The following MMRN1 variants were observed in gnomAD, a reference collection of about 807,000 sequenced individuals.
MMRN1 encodes multimerin-1.
In MMRN1, 94 loss-of-function variants were observed where a neutral mutation model predicts 100.7. The observed-to-expected ratio is 0.93, with a 90% confidence interval of 0.79 to 1.11. The LOEUF is 1.11. Ranked by LOEUF, MMRN1 falls within the 50% of genes least tolerant of loss-of-function variation. The pLI, the probability that MMRN1 is intolerant of heterozygous loss-of-function variation, is 0.00. For synonymous variants in MMRN1, 575 were observed against 505.0 expected, an observed-to-expected ratio of 1.14 and a Z score of -1.86; for missense variants, 1,606 against 1,439.1, an observed-to-expected ratio of 1.12 and a Z score of -1.88.
chr4:89,918,357 T>A (rs541704966), intron 3 of MMRN1, among the ~76,000 whole-genome samples: 3 of 151,906 alleles, frequency 2.0e-5, no homozygotes, highest in Admixed American at 2.0e-4. Context: ...AGTTATTTTT[T>A]AAAAAAGTCT....
chr4:89,939,676 C>G (rs1294277192), intron 6 of MMRN1, among the ~76,000 whole-genome samples: 1 of 152,144 alleles, frequency 6.6e-6, no homozygotes, highest in Non-Finnish European at 1.5e-5. Flanking sequence ...ACCACATGCT[C>G]AAAGAAATTA....
intron 2 of MMRN1, among the ~76,000 whole-genome samples, chr4:89,910,428 A>G (rs1219838926): frequency 6.6e-6 from 1 of 151,338 alleles, no homozygotes; most frequent in Non-Finnish European, 1.5e-5. Context: ...ATAAGTATTT[A>G]TCTTTATTCT....
upstream of MMRN1, among the ~76,000 whole-genome samples, chr4:89,891,752 T>A (rs944979528): frequency 6.6e-6 from 1 of 152,060 alleles, no homozygotes; most frequent in South Asian, 2.1e-4. Context: ...TTGACAGATA[T>A]GTCTTATGGA....
intron 3 of MMRN1, among the ~76,000 whole-genome samples, chr4:89,916,744 G>C (rs964802994): frequency 1.3e-5 from 2 of 150,748 alleles, no homozygotes; most frequent in Admixed American, 6.6e-5. Context: ...TGATTTTAAA[G>C]TTTTTTCTTA....
chr4:89,934,422 A>G (rs1722536572), intron 5 of MMRN1, among the ~76,000 whole-genome samples: 1 of 152,154 alleles, frequency 6.6e-6, no homozygotes, highest in African/African-American at 2.4e-5. Context: ...ATGAGCTAAC[A>G]CCAGGTATTA....
chr4:89,881,907 G>A (rs1291650377), intron 1 of MMRN1, among the ~76,000 whole-genome samples: 2 of 151,792 alleles, frequency 1.3e-5, no homozygotes, highest in African/African-American at 4.8e-5. Flanking sequence ...ATTGCTTTCT[G>A]GGCTATTTTG....
At position 89,929,893 on chromosome 4, in the gene MMRN1, C is replaced by T. The variant is rs1303848920; in HGVS notation, c.1129+1925C>T. Among the ~76,000 whole-genome samples, 7 of 152,226 alleles carry T rather than the reference C, an allele frequency of 4.6e-5. No homozygotes were observed. In the East Asian group the frequency reaches 1.4e-3, roughly 29 times the overall value. On this transcript the variant is annotated intron_variant, in intron 5 of 7. Coordinates refer to ENST00000264790, the MANE Select transcript of MMRN1 (RefSeq NM_007351.3). Reference sequence around the variant, plus strand: ...AGGTGAAAAACACTGCGTAATCTGACAGTAGCCATAGAAACTGTTGAAAAT... The same window carrying T: ...AGGTGAAAAACACTGCGTAATCTGATAGTAGCCATAGAAACTGTTGAAAAT...
chr4:89,925,184 A>G (rs1313845618), intron 4 of MMRN1, among the ~76,000 whole-genome samples: 1 of 151,486 alleles, frequency 6.6e-6, no homozygotes, highest in African/African-American at 2.4e-5. Flanking sequence ...GCACCCAGGC[A>G]GGAGTGCAGT....
Position 89,926,786 on chromosome 4 carries a change from C to A in MMRN1, c.956-1009C>A, listed in dbSNP as rs564637219. On this transcript the variant is annotated intron_variant, in intron 4 of 7. Coordinates refer to ENST00000264790, the MANE Select transcript of MMRN1 (RefSeq NM_007351.3). ...GAGGTCTTAGACTTAAAGAGCTAATCCTTTTTTATTTGATTTTTGTGCATA... is the reference window on the plus strand; with the variant it reads ...GAGGTCTTAGACTTAAAGAGCTAATACTTTTTTATTTGATTTTTGTGCATA... Among the ~76,000 whole-genome samples the A allele has an allele frequency of 1.3e-3, 195 of 152,160 alleles. 2 individuals are homozygous for A. Among genetic ancestry groups the A allele is most frequent in the African/African-American group, 3.9e-3 (161 of 41,522 alleles).
intron 1 of MMRN1, among the ~76,000 whole-genome samples, chr4:89,886,038 C>T (rs899656289): frequency 4.0e-5 from 6 of 149,810 alleles, no homozygotes; most frequent in Admixed American, 4.0e-4. Flanking sequence ...AGCAACTATG[C>T]CTGGCTAATT....
At chr4:89,941,135 T>C (rs1722808508) in intron 6 of MMRN1, among the ~76,000 whole-genome samples, 2 of 152,328 alleles carry the variant, frequency 1.3e-5, no homozygotes, top group Admixed American at 1.3e-4. Flanking sequence ...ACTAATAGGT[T>C]ATCTTCTGTA....
At chr4:89,916,949 C>T (rs1560587210) in intron 3 of MMRN1, among the ~76,000 whole-genome samples, 2 of 151,748 alleles carry the variant, frequency 1.3e-5, no homozygotes, top group African/African-American at 4.8e-5. Context: ...CTTTACCTCT[C>T]ACCTAGGTAA....
chr4:89,887,379 T>C (rs1409026222), intron 1 of MMRN1, among the ~76,000 whole-genome samples: 1 of 152,010 alleles, frequency 6.6e-6, no homozygotes, highest in African/African-American at 2.4e-5. Flanking sequence ...GGAGGAATCA[T>C]ATTACCTGTC....
At chr4:89,887,145 A>G (rs1259917033) in intron 1 of MMRN1, among the ~76,000 whole-genome samples, 2 of 152,084 alleles carry the variant, frequency 1.3e-5, no homozygotes, top group East Asian at 3.9e-4. Context: ...TGATGAAAGC[A>G]GTTGAAGGCG....
rs527767534 is a variant in MMRN1 at position 89,908,977 on chromosome 4, G to A, written c.624-299G>A. On this transcript the variant is annotated intron_variant, in intron 1 of 7. Coordinates refer to ENST00000264790, the MANE Select transcript of MMRN1 (RefSeq NM_007351.3). ...GTACTAATATTAATATTTGCTACAA[G>A]AGCATTCTTGCATTTTGATTTATCT... Among the ~76,000 whole-genome samples, 88 of 151,458 alleles carry A rather than the reference G, an allele frequency of 5.8e-4. 1 individual carries two copies. The highest frequency in any genetic ancestry group is 2.0e-3 in the African/African-American group (82 of 41,440).
In MMRN1 at chr4:89,923,892, AC is replaced by A. The variant is rs1722167043; in HGVS notation, c.955+621del. Among the ~76,000 whole-genome samples, 12 of 152,316 alleles carry A rather than the reference AC, an allele frequency of 7.9e-5. 1 individual carries two copies. In the South Asian group the frequency reaches 2.5e-3, roughly 32 times the overall value. On this transcript the variant is annotated intron_variant, in intron 4 of 7. Transcript: ENST00000264790. ...TGGATCTAGTCATACAAAACAAGGC[AC>A]TCAATTAAGAAATGTGACTTAAAGG... is the stretch of plus-strand genomic sequence containing the variant.
chr4:89,895,497 A>T lies in MMRN1; in HGVS notation c.526A>T (p.Asn176Tyr). ...GGVGGTGGVG[N>Y]RAPRETYLSR... ...CGTTGGAGGCACTGGAGGCGTGGGA[A>T]ATCGAGCCCCACGGGAAACATACCT... The change falls in exon 1 of 8, where the codon AAT becomes TAT. Residue 176 changes from asparagine to tyrosine, a missense_variant. By Grantham distance (143) the Asn-to-Tyr change is moderately radical. Transcript: ENST00000264790. 6.2e-7 allele frequency: 1 copy of T among 1,613,830 alleles called. No homozygotes were observed. The highest frequency in any genetic ancestry group is 8.5e-7 in the Non-Finnish European group (1 of 1,179,910).
At chr4:89,897,791 A>G (rs1239145116) in intron 1 of MMRN1, among the ~76,000 whole-genome samples, 2 of 152,182 alleles carry the variant, frequency 1.3e-5, no homozygotes, top group Non-Finnish European at 2.9e-5. Context: ...ATTTAAAAAA[A>G]TAATAATAAT....
chr4:89,915,397 G>A (rs1170720619), intron 3 of MMRN1, among the ~76,000 whole-genome samples: 2 of 151,394 alleles, frequency 1.3e-5, no homozygotes, highest in African/African-American at 2.4e-5. Flanking sequence ...CATGTACACC[G>A]AACATTCACC....
Sources: gnomAD v4.1 joint callset for allele counts (sites outside exome capture counted in the v4.1 genomes callset) on GRCh38, gnomAD v4.1.1 for gene constraint, MANE v1.5 for transcripts, NCBI Gene and HGNC (gene_info 2026-07-23, HGNC 2026-07-21) for gene names.